The following GDF1 variants were observed in gnomAD, a reference collection of about 807,000 sequenced individuals.
GDF1 encodes growth differentiation factor 1, also known as embryonic growth/differentiation factor 1.
A neutral mutation model predicts 7.4 loss-of-function variants in GDF1; 8 were observed. The ratio of observed to expected loss-of-function variants is 1.09; its 90% CI spans 0.64 to 1.96. GDF1 has a LOEUF of 1.96. GDF1 is among the 30% of genes most tolerant of loss of function. GDF1 has a pLI of 0.00. For missense variants in GDF1, 574 were observed against 551.5 expected (o/e 1.04, Z -0.41); for synonymous variants, 311 against 276.7 (o/e 1.12, Z -1.23).
At chr19:18,883,422 C>T (rs907692855) in intron 3 of GDF1, 2 of 152,282 alleles carry the variant, frequency 1.3e-5, no homozygotes, top group East Asian at 1.9e-4. Flanking sequence ...AATCCCCACA[C>T]TTCGGGGAGC....
intron 2 of GDF1, among the ~76,000 whole-genome samples, chr19:18,887,804 A>G (rs2056397731): frequency 6.6e-6 from 1 of 151,724 alleles, no homozygotes; most frequent in Non-Finnish European, 1.5e-5. Flanking sequence ...CATCTAAGCC[A>G]TTTGTTAAGT....
intron 6 of GDF1, among the ~76,000 whole-genome samples, chr19:18,871,993 A>G (rs1424188409): frequency 1.3e-5 from 2 of 152,200 alleles, no homozygotes; most frequent in Non-Finnish European, 2.9e-5. Flanking sequence ...CTTATGGGAA[A>G]CAAAGACACA....
At position 18,879,034 on chromosome 19, in the gene GDF1, G is replaced by C. The variant is rs377364343; in HGVS notation, c.-417C>G. On this transcript the variant is annotated 5_prime_UTR_variant, in exon 6 of 8. The change creates a new upstream start codon in the 5' untranslated region. Transcript: ENST00000247005. ...TCAACACCTTGGCTGCAAACGCCAC[G>C]ATGTACTGCGAGAGGGGAGGGGAGG... The C allele has an allele frequency of 6.8e-6, 11 of 1,613,272 alleles. No individual in the cohort carries two copies. The highest frequency in any genetic ancestry group is 7.6e-6 in the Non-Finnish European group (9 of 1,179,832).
chr19:18,879,301 G>A lies in GDF1; in HGVS notation c.-483C>T, dbSNP rs2056134440. The A allele has an allele frequency of 6.2e-6, 10 of 1,613,002 alleles. No individual in the cohort carries two copies. The highest frequency in any genetic ancestry group is 8.5e-6 in the Non-Finnish European group (10 of 1,179,572). On this transcript the variant is annotated 5_prime_UTR_variant, in exon 5 of 8. Transcript: ENST00000247005. Reference sequence around the variant, plus strand: ...GCAGGAGCGCATTGAAGAAGAAGTAGAAGGGGATGTCAGGCACCGTGCGCA... The same window carrying A: ...GCAGGAGCGCATTGAAGAAGAAGTAAAAGGGGATGTCAGGCACCGTGCGCA...
At chr19:18,884,416 T>G in intron 2 of GDF1, 149 bp from the exon 3 acceptor site, 1 of 671,776 alleles carries the variant, frequency 1.5e-6, no homozygotes, top group Non-Finnish European at 2.3e-6. Context: ...TTCCCAATTC[T>G]ATTTTTTTTT....
chr19:18,886,183 G>C (rs926146768), intron 2 of GDF1, among the ~76,000 whole-genome samples: 2 of 150,780 alleles, frequency 1.3e-5, no homozygotes, highest in African/African-American at 2.5e-5. Flanking sequence ...AGGCAGGAGA[G>C]TTGCTTGAGT....
intron 3 of GDF1, 126 bp downstream of exon 3, chr19:18,883,961 G>A (rs2056281063): frequency 2.9e-6 from 3 of 1,028,228 alleles, no homozygotes; most frequent in African/African-American, 1.6e-5. Context: ...CTCTGACCTT[G>A]GAACCCTGAG....
chr19:18,895,943 GC>G lies in GDF1; in HGVS notation c.-1194del, dbSNP rs1372051697. On this transcript the variant is annotated 5_prime_UTR_variant, in exon 1 of 8. The change creates a premature stop within an existing upstream ORF in the 5' untranslated region. Coordinates refer to ENST00000247005, the MANE Select transcript of GDF1 (RefSeq NM_001492.6). This position sits in a 1 kb window ranked among gnomAD's most constrained non-coding sequence, Gnocchi z 6.4. Reference sequence around the variant, plus strand: ...TGCTCAGCCAGGCCGCGACGCGCCAGCCCCCAGCCGCAGTCCGTGCAGCCCC... The same window carrying G: ...TGCTCAGCCAGGCCGCGACGCGCCAGCCCCAGCCGCAGTCCGTGCAGCCCC... 3 of 1,169,578 alleles carry G rather than the reference GC, an allele frequency of 2.6e-6. No individual in the cohort carries two copies. Among genetic ancestry groups the G allele is most frequent in the Admixed American group, 4.5e-5 (1 of 22,300 alleles). The allele number at this position is 1,169,578 out of a possible 1,614,324, so 72.5% of individuals were successfully genotyped here. A position where few individuals can be genotyped will look rare whatever the true frequency, so the allele number is the denominator to read the frequency against.
chr19:18,891,739 G>C (rs895920387), intron 2 of GDF1, among the ~76,000 whole-genome samples: 2 of 151,498 alleles, frequency 1.3e-5, no homozygotes, highest in African/African-American at 4.9e-5. Context: ...CACCATACCA[G>C]GCTAATTTTT....
rs1019440616 is a variant in GDF1, at chr19:18,880,487, C to T, written c.-732-52G>A. Reference sequence around the variant, plus strand: ...AGGGCAGCTCACATTGGGGGACCTCCACTCTGCACTAAGGCCCCCAGCAGA... The same window carrying T: ...AGGGCAGCTCACATTGGGGGACCTCTACTCTGCACTAAGGCCCCCAGCAGA... On this transcript the variant is annotated intron_variant, in intron 3 of 7. Transcript: ENST00000247005. The T allele has an allele frequency of 6.0e-6, 9 of 1,500,710 alleles. No homozygotes were observed. In the African/African-American group the frequency reaches 1.2e-4, roughly 21 times the overall value. 93.0% of individuals were successfully genotyped at this position (1,500,710 alleles called of 1,614,324 possible).
At chr19:18,890,783 G>GAAAAA (rs35488506) in intron 2 of GDF1, among the ~76,000 whole-genome samples, 1 of 99,774 alleles carries the variant, frequency 1.0e-5, no homozygotes, top group African/African-American at 4.1e-5. Context: ...CGCGTCTGGG[G>GAAAAA]AAAAAAAAAA....
Position 18,869,285 on chromosome 19 carries a change from C to G in GDF1, c.431G>C (p.Arg144Pro), listed in dbSNP as rs771276786. ...SAVEPAERPS[R>P]ARLELRFAAA... ...CGCGAAACGCAGCTCCAGGCGGGCC[C>G]GGCTCGGGCGCTCAGCGGGTTCCAC... Residue 144 changes from arginine to proline, a missense_variant, in exon 8 of 8, where the codon CGG (arginine) becomes CCG (proline). By Grantham distance (103) the Arg-to-Pro change is moderately radical (BLOSUM62 -2). Transcript: ENST00000247005. 3.3e-6 allele frequency: 5 copies of G among 1,504,740 alleles called. No homozygotes were observed. The Admixed American group carries it at 1.0e-4, about 31-fold the overall frequency. 93.2% of individuals were successfully genotyped at this position (1,504,740 alleles called of 1,614,324 possible).
At chr19:18,873,842 A>AG (rs1345834103) in intron 6 of GDF1, among the ~76,000 whole-genome samples, 2 of 129,122 alleles carry the variant, frequency 1.5e-5, no homozygotes, top group Non-Finnish European at 1.7e-5. Context: ...CTCTGTCTCG[A>AG]AAAAAAAAAA....
intron 2 of GDF1, among the ~76,000 whole-genome samples, chr19:18,887,125 T>C (rs1368830113): frequency 6.6e-6 from 1 of 152,114 alleles, no homozygotes; most frequent in Non-Finnish European, 1.5e-5. Flanking sequence ...AGTGGATGGA[T>C]GAAGAATAGA....
In GDF1 at chr19:18,895,447, G is replaced by A. The variant is rs1010119329; in HGVS notation, c.-1074+377C>T. Among the ~76,000 whole-genome samples the A allele has an allele frequency of 2.0e-5, 3 of 151,022 alleles. No homozygotes were observed. Among genetic ancestry groups the A allele is most frequent in the Non-Finnish European group, 4.4e-5 (3 of 67,580 alleles). On this transcript the variant is annotated intron_variant, in intron 1 of 7. Coordinates refer to ENST00000247005, the MANE Select transcript of GDF1 (RefSeq NM_001492.6). This position sits in a 1 kb window ranked among gnomAD's most constrained non-coding sequence, Gnocchi z 6.4. ...TGCCGGAAAGAGCGCGCGGTGGCCGGAGCCATCCACCGCGCGGGGCCCCCT... is the reference window on the plus strand; with the variant it reads ...TGCCGGAAAGAGCGCGCGGTGGCCGAAGCCATCCACCGCGCGGGGCCCCCT...
At position 18,868,848 on chromosome 19, in the gene GDF1, C is replaced by T. The variant is rs867919965; in HGVS notation, c.868G>A (p.Gly290Ser). ...GWHRWVIAPRGFLANYCQGQC... is the reference protein window; with the variant it reads ...GWHRWVIAPRSFLANYCQGQC... Reference sequence around the variant, plus strand: ...CCCTGGCAGTAGTTGGCCAGGAAGCCGCGCGGCGCGATGACCCAGCGGTGC... The same window carrying T: ...CCCTGGCAGTAGTTGGCCAGGAAGCTGCGCGGCGCGATGACCCAGCGGTGC... The change falls in exon 8 of 8, where the codon GGC (glycine) becomes AGC (serine). Residue 290 changes from glycine to serine, a missense_variant. Gly to Ser is a moderately conservative substitution (Grantham distance 56). Transcript: ENST00000247005. 2.8e-6 allele frequency: 4 copies of T among 1,447,742 alleles called. No homozygotes were observed. The highest frequency in any genetic ancestry group is 2.5e-5 in the South Asian group (2 of 81,166). The allele number at this position is 1,447,742 out of a possible 1,614,324, so 89.7% of individuals were successfully genotyped here.
Position 18,880,262 on chromosome 19 carries a change from C to A in GDF1, c.-571+12G>T. On this transcript the variant is annotated intron_variant, in intron 4 of 7. Transcript: ENST00000247005. ...ACACCTCCCTCCCTGCCCAGCACTCCCTACCACTCACCAGCTGAAGCCGAA... is the reference window on the plus strand; with the variant it reads ...ACACCTCCCTCCCTGCCCAGCACTCACTACCACTCACCAGCTGAAGCCGAA... 6.5e-7 allele frequency: 1 copy of A among 1,545,336 alleles called. No individual in the cohort carries two copies. The highest frequency in any genetic ancestry group is 2.4e-5 in the East Asian group (1 of 40,872).
At chr19:18,888,668 TAAAAATAC>T (rs2056420338) in intron 2 of GDF1, among the ~76,000 whole-genome samples, 1 of 148,978 alleles carries the variant, frequency 6.7e-6, no homozygotes, top group East Asian at 2.0e-4. Context: ...CTGTCTCTAC[TAAAAATAC>T]AAAATTAGCC....
At position 18,868,763 on chromosome 19, in the gene GDF1, G is replaced by T. The variant is rs2055901172; in HGVS notation, c.953C>A (p.Ala318Asp). The T allele has an allele frequency of 1.3e-6, 2 of 1,487,412 alleles. No individual in the cohort carries two copies. Among genetic ancestry groups the T allele is most frequent in the Non-Finnish European group, 1.8e-6 (2 of 1,112,496 alleles). The allele number at this position is 1,487,412 out of a possible 1,614,324, so 92.1% of individuals were successfully genotyped here. A position where few individuals can be genotyped will look rare whatever the true frequency, so the allele number is the denominator to read the frequency against. ...GSGGPPALNH[A>D]VLRALMHAAA... ...CGCGTGCATGAGCGCGCGCAGCACA[G>T]CGTGGTTGAGCGCCGGCGGCCCCCC... Residue 318 changes from alanine (A) to aspartate (D), a missense_variant, in exon 8 of 8, where the codon GCT (alanine) becomes GAT (aspartate). Coordinates refer to ENST00000247005, the MANE Select transcript of GDF1 (RefSeq NM_001492.6).
Sources: allele counts gnomAD v4.1 joint callset (sites outside exome capture counted in the v4.1 genomes callset), GRCh38; gene constraint gnomAD v4.1.1; non-coding constraint Gnocchi (gnomAD v3.1); transcripts MANE v1.5; gene names NCBI Gene and HGNC (gene_info 2026-07-23, HGNC 2026-07-21).